Variants in SPOCK2 observed in about 807,000 individuals in gnomAD.
SPOCK2 encodes testican-2.
Under a neutral mutation model 60.1 loss-of-function variants are expected in SPOCK2, and 39 were observed. The ratio of observed to expected loss-of-function variants is 0.65; its 90% CI spans 0.50 to 0.85. The LOEUF (loss-of-function observed/expected upper bound fraction) is 0.85, where lower values mean the gene tolerates loss of function less well. Among genes scored for constraint, SPOCK2 ranks in the 40% least tolerant of loss-of-function variants. The pLI, the probability that SPOCK2 is intolerant of heterozygous loss-of-function variation, is 0.00. For synonymous variants in SPOCK2, 217 were observed against 231.5 expected (o/e 0.94, Z 0.57); for missense variants, 523 against 567.4 (o/e 0.92, Z 0.80).
In SPOCK2 at chr10:72,088,148, A is replaced by C; in HGVS notation, c.181T>G (p.Phe61Val). The stretch of plus-strand genomic sequence containing the variant: ...CAGCCCTGCGGACTCACGTCTCGGA[A>C]GCGGTTCCAGTGCTTGATCTTGCCG... ...YSGKIKHWNR[F>V]RDEVEDDYIK... The change falls in exon 1 of 11, where the codon TTC becomes GTC. Residue 61 changes from phenylalanine (F) to valine (V), a missense_variant. By Grantham distance (50) the Phe-to-Val change is conservative. Transcript: ENST00000373109. 2 of 1,612,492 alleles carry C rather than the reference A, an allele frequency of 1.2e-6. No homozygotes were observed. The highest frequency in any genetic ancestry group is 1.7e-6 in the Non-Finnish European group (2 of 1,179,452).
intron 5 of SPOCK2, 136 bp downstream of exon 5, chr10:72,070,176 G>A: frequency 5.3e-6 from 4 of 759,490 alleles, no homozygotes; most frequent in Non-Finnish European, 8.4e-6. Flanking sequence ...TGGCTGCATT[G>A]AACACACTGA....
At chr10:72,084,237 C>A (rs1840825420) in intron 1 of SPOCK2, among the ~76,000 whole-genome samples, 1 of 152,212 alleles carries the variant, frequency 6.6e-6, no homozygotes, top group South Asian at 2.1e-4. Context: ...GGGGGAGGAG[C>A]GTAGTACCTG....
At chr10:72,084,196 G>C (rs1162268234) in intron 1 of SPOCK2, among the ~76,000 whole-genome samples, 2 of 152,218 alleles carry the variant, frequency 1.3e-5, no homozygotes, top group Non-Finnish European at 2.9e-5. Context: ...GCCAGCCCTA[G>C]AAATGAGGAC....
At chr10:72,084,246 T>G (rs1378629351) in intron 1 of SPOCK2, among the ~76,000 whole-genome samples, 1 of 152,242 alleles carries the variant, frequency 6.6e-6, no homozygotes, top group African/African-American at 2.4e-5. Flanking sequence ...GCGTAGTACC[T>G]GCCCTGGAAG....
At chr10:72,073,032 C>A in intron 1 of SPOCK2, 122 bp from the exon 2 acceptor site, 2 of 1,361,876 alleles carry the variant, frequency 1.5e-6, no homozygotes, top group Non-Finnish European at 2.0e-6. Context: ...ATCATGTGGC[C>A]GAGCAATGGC....
rs1179406549 is a variant in SPOCK2 at position 72,062,979 on chromosome 10, C to T, written c.1129+46G>A. 1.3e-6 allele frequency: 2 copies of T among 1,576,212 alleles called. No homozygotes were observed. Among genetic ancestry groups the T allele is most frequent in the Non-Finnish European group, 8.6e-7 (1 of 1,162,826 alleles). On this transcript the variant is annotated intron_variant, in intron 10 of 10. Coordinates refer to ENST00000373109, the MANE Select transcript of SPOCK2 (RefSeq NM_001244950.2). The surrounding 1 kb of genome is among the most constrained non-coding windows in gnomAD (Gnocchi z 4.3). ...CCCCCCAGCATCCCACGACAAGGGC[C>T]CCCAGGCCTGGGCCCCCAGCAGGCC... is the stretch of plus-strand genomic sequence containing the variant.
intron 3 of SPOCK2, 107 bp from the exon 4 acceptor site, chr10:72,072,365 G>C: frequency 6.8e-7 from 1 of 1,471,576 alleles, no homozygotes; most frequent in Non-Finnish European, 9.1e-7. Context: ...TTGATAACCA[G>C]AGCTCCTGAG....
intron 4 of SPOCK2, 132 bp from the exon 5 acceptor site, chr10:72,070,558 C>T (rs910557616): frequency 4.6e-5 from 35 of 765,382 alleles, no homozygotes; most frequent in Non-Finnish European, 6.9e-5. Flanking sequence ...CCTTCCTGCC[C>T]CTGCCCACCC....
chr10:72,088,430 C>G lies in SPOCK2; in HGVS notation c.-102G>C. 3 of 1,360,220 alleles carry G rather than the reference C, an allele frequency of 2.2e-6. No individual in the cohort carries two copies. Among genetic ancestry groups the G allele is most frequent in the Non-Finnish European group, 2.9e-6 (3 of 1,034,016 alleles). The allele number at this position is 1,360,220 out of a possible 1,614,324, so 84.3% of individuals were successfully genotyped here. A position where few individuals can be genotyped will look rare whatever the true frequency, so the allele number is the denominator to read the frequency against. On this transcript the variant is annotated 5_prime_UTR_variant, in exon 1 of 11. Coordinates refer to ENST00000373109, the MANE Select transcript of SPOCK2 (RefSeq NM_001244950.2). Reference sequence around the variant, plus strand: ...GAAGCGCACGCGGCTGTCCTCAGCTCTCCTCCCGCGGTCTGCCTCCGGTGA... The same window carrying G: ...GAAGCGCACGCGGCTGTCCTCAGCTGTCCTCCCGCGGTCTGCCTCCGGTGA...
chr10:72,062,929 G>C lies in SPOCK2; in HGVS notation c.1130-24C>G, dbSNP rs753406492. On this transcript the variant is annotated intron_variant, in intron 10 of 10. Coordinates refer to ENST00000373109, the MANE Select transcript of SPOCK2 (RefSeq NM_001244950.2). The surrounding 1 kb of genome is among the most constrained non-coding windows in gnomAD (Gnocchi z 4.3). Reference sequence around the variant, plus strand: ...ATCTGTGAGGGGATCAAGCCAACAGGGGGTGAGGGAGCTTCTGGCACGCAC... The same window carrying C: ...ATCTGTGAGGGGATCAAGCCAACAGCGGGTGAGGGAGCTTCTGGCACGCAC... 1.9e-6 allele frequency: 3 copies of C among 1,595,168 alleles called. No homozygotes were observed. Among genetic ancestry groups the C allele is most frequent in the East Asian group, 4.5e-5 (2 of 44,336 alleles).
chr10:72,083,781 T>A (rs1415508028), intron 1 of SPOCK2, among the ~76,000 whole-genome samples: 2 of 152,040 alleles, frequency 1.3e-5, no homozygotes, highest in African/African-American at 4.8e-5. Flanking sequence ...CCAATTGTTG[T>A]TGTTGTTGTT....
intron 1 of SPOCK2, among the ~76,000 whole-genome samples, chr10:72,074,735 G>T (rs917636152): frequency 6.6e-6 from 1 of 152,202 alleles, no homozygotes; most frequent in African/African-American, 2.4e-5. Context: ...CGGGAGGACC[G>T]CAGACTGCTC....
rs113170051 is a variant in SPOCK2, at chr10:72,066,849, C to T, written c.928+53G>A. 57 of 1,602,578 alleles carry T rather than the reference C, an allele frequency of 3.6e-5. 3 individuals carry two copies. The highest frequency in any genetic ancestry group is 3.3e-4 in the Middle Eastern group (2 of 6,038). ...GACTTCCCAAGAGAGCCTGGAACTT[C>T]GGGTAGAGCCCACACGGGTGAGGCA... On this transcript the variant is annotated intron_variant, in intron 8 of 10. Transcript: ENST00000373109.
At chr10:72,068,644 T>C in intron 5 of SPOCK2, 1 of 287,598 alleles carries the variant, frequency 3.5e-6, no homozygotes, top group South Asian at 5.7e-5. Context: ...GTTAGCTGTC[T>C]GTTGCCCCCC....
intron 2 of SPOCK2, 149 bp downstream of exon 2, chr10:72,072,753 C>T (rs1564548308): frequency 7.2e-7 from 1 of 1,397,830 alleles, no homozygotes; most frequent in Non-Finnish European, 9.9e-7. Context: ...GAATCCTTTC[C>T]AGCCTCTCCC....
intron 1 of SPOCK2, among the ~76,000 whole-genome samples, chr10:72,077,251 C>T (rs1840725937): frequency 1.3e-5 from 2 of 152,118 alleles, no homozygotes; most frequent in African/African-American, 2.4e-5. Context: ...CTTCCAAGTA[C>T]CTGGGAGCAC....
chr10:72,063,992 TGGGA>T (rs1840531876), intron 9 of SPOCK2, among the ~76,000 whole-genome samples, 182 bp downstream of exon 9: 1 of 152,160 alleles, frequency 6.6e-6, no homozygotes, highest in African/African-American at 2.4e-5. Context: ...CGGGGCAGAT[TGGGA>T]GTCCCTGCCC....
In SPOCK2 at chr10:72,062,459, CAAGGAGG is replaced by C. The variant is rs1197776303; in HGVS notation, c.*294_*300del. 2.3e-6 allele frequency: 1 copy of C among 434,378 alleles called. No individual in the cohort carries two copies. The allele number at this position is 434,378 out of a possible 1,614,324, so 26.9% of individuals were successfully genotyped here. On this transcript the variant is annotated 3_prime_UTR_variant, in exon 11 of 11. Transcript: ENST00000373109. The surrounding 1 kb of genome is among the most constrained non-coding windows in gnomAD (Gnocchi z 4.3). ...ACAACAAAAGGAAAGAAAACAGCTA[CAAGGAGG>C]CCGAAGGGGCCTTTGGGTGACTCAC...
At position 72,067,058 on chromosome 10, in the gene SPOCK2, C is replaced by T; in HGVS notation, c.772G>A (p.Asp258Asn). 6.2e-7 allele frequency: 1 copy of T among 1,614,224 alleles called. No individual in the cohort carries two copies. The highest frequency in any genetic ancestry group is 8.5e-7 in the Non-Finnish European group (1 of 1,180,042). The stretch of plus-strand genomic sequence containing the variant: ...TCCAGGAAGAGGTCAGCACTGGTGT[C>T]CAGCTTGGAGAACATCCAGCCAATG... ...DSIGWMFSKLDTSADLFLDQT... is the reference protein window; with the variant it reads ...DSIGWMFSKLNTSADLFLDQT... The change falls in exon 8 of 11, where the codon GAC becomes AAC. Residue 258 changes from aspartate (D) to asparagine (N), a missense_variant. Transcript: ENST00000373109.
Sources: allele counts gnomAD v4.1 joint callset (sites outside exome capture counted in the v4.1 genomes callset), GRCh38; gene constraint gnomAD v4.1.1; non-coding constraint Gnocchi (gnomAD v3.1); transcripts MANE v1.5; gene names NCBI Gene and HGNC (gene_info 2026-07-23, HGNC 2026-07-21).